Variants in TBC1D19 observed in about 807,000 individuals in gnomAD.
The protein encoded by TBC1D19 is TBC1 domain family, member 19.
Under a neutral mutation model 89.0 loss-of-function variants are expected in TBC1D19, and 60 were observed. The observed-to-expected ratio is 0.67, with a 90% confidence interval of 0.55 to 0.84. The LOEUF is 0.84. TBC1D19 is among the 40% of genes least tolerant of loss of function. TBC1D19 has a pLI of 0.00. For synonymous variants in TBC1D19, 189 were observed against 199.7 expected (o/e 0.95, Z 0.45); for missense variants, 500 against 610.8 (o/e 0.82, Z 1.91).
chr4:26,753,956 A>C (rs749392886), intron 20 of TBC1D19, 66 bp downstream of exon 20: 2 of 1,578,438 alleles, frequency 1.3e-6, no homozygotes, highest in East Asian at 2.2e-5. Context: ...CTGTCATTTT[A>C]GTGTCTGTTG....
chr4:26,718,065 G>T (rs1439164094), intron 14 of TBC1D19, 48 bp downstream of exon 14: 1 of 1,400,696 alleles, frequency 7.1e-7, no homozygotes. Context: ...ACATAATCAT[G>T]CCAAGAATAT....
At chr4:26,837,203 T>C in the TBC1D19 span, among the ~76,000 whole-genome samples, 1 of 152,030 alleles carries the variant, frequency 6.6e-6, no homozygotes, top group African/African-American at 2.4e-5. Context: ...ATGGAGAAGC[T>C]CCAATACTGG....
intron 1 of TBC1D19, among the ~76,000 whole-genome samples, chr4:26,593,576 T>C (rs1464731009): frequency 6.6e-6 from 1 of 152,132 alleles, no homozygotes; most frequent in Admixed American, 6.5e-5. Flanking sequence ...GAGAAAATTT[T>C]TGCAATCTAC....
upstream of TBC1D19, among the ~76,000 whole-genome samples, chr4:26,579,635 T>C (rs895692557): frequency 3.9e-5 from 6 of 151,960 alleles, no homozygotes; most frequent in African/African-American, 1.5e-4. Flanking sequence ...GCATTAGGTA[T>C]TTGTCCTAAT....
intron 1 of TBC1D19, among the ~76,000 whole-genome samples, chr4:26,588,609 C>A (rs1051177561): frequency 6.6e-6 from 1 of 151,862 alleles, no homozygotes; most frequent in Non-Finnish European, 1.5e-5. Flanking sequence ...TAGTCTATTG[C>A]CATTTTCACC....
intron 1 of TBC1D19, among the ~76,000 whole-genome samples, chr4:26,588,124 C>T (rs1011424563): frequency 6.7e-6 from 1 of 149,538 alleles, no homozygotes; most frequent in Non-Finnish European, 1.5e-5. Flanking sequence ...CTCCCGGGTT[C>T]ACGCCATTCT....
At chr4:26,588,762 A>G (rs550262910) in intron 1 of TBC1D19, among the ~76,000 whole-genome samples, 11 of 152,132 alleles carry the variant, frequency 7.2e-5, no homozygotes, top group Non-Finnish European at 1.3e-4. Flanking sequence ...AATATGTATG[A>G]TTTTAGCTGT....
chr4:26,724,598 G>A (rs1240534426), intron 15 of TBC1D19, among the ~76,000 whole-genome samples: 1 of 152,148 alleles, frequency 6.6e-6, no homozygotes, highest in African/African-American at 2.4e-5. Context: ...TGATTTGACA[G>A]AGATTTTCTT....
At chr4:26,617,585 A>T (rs1386490310) in intron 3 of TBC1D19, among the ~76,000 whole-genome samples, 1 of 152,226 alleles carries the variant, frequency 6.6e-6, no homozygotes, top group African/African-American at 2.4e-5. Context: ...GCAAATAGTT[A>T]TTGAGCCACC....
chr4:26,816,458 G>C, the TBC1D19 span, among the ~76,000 whole-genome samples: 60,964 of 151,874 alleles, frequency 0.4, 12,587 homozygotes, highest in South Asian at 0.49. Context: ...CAGGATATTT[G>C]CATAATCCCC....
the TBC1D19 span, among the ~76,000 whole-genome samples, chr4:26,827,476 C>T: frequency 1.5e-4 from 23 of 152,034 alleles, no homozygotes; most frequent in African/African-American, 2.7e-4. Flanking sequence ...TGGTGGCAGA[C>T]GCCTGCAGTT....
the TBC1D19 span, among the ~76,000 whole-genome samples, chr4:26,779,862 T>C: frequency 3.5e-4 from 53 of 152,322 alleles, 1 homozygote; most frequent in East Asian, 9.7e-3. Flanking sequence ...GCAACTGTCA[T>C]CAGCAGGTTG....
chr4:26,842,179 C>T, the TBC1D19 span, among the ~76,000 whole-genome samples: 2 of 151,994 alleles, frequency 1.3e-5, no homozygotes, highest in Non-Finnish European at 2.9e-5. Flanking sequence ...GATGGTTCCC[C>T]ACTACATCTT....
intron 9 of TBC1D19, among the ~76,000 whole-genome samples, chr4:26,669,579 C>A (rs1712109495): frequency 6.6e-6 from 1 of 151,596 alleles, no homozygotes; most frequent in East Asian, 1.9e-4. Flanking sequence ...ATTTAAAAAG[C>A]AAAATTATTG....
At chr4:26,583,912 T>G (rs1390927479), upstream of TBC1D19, 6 of 427,628 alleles carry the variant, frequency 1.4e-5, no homozygotes, top group East Asian at 2.7e-4. Flanking sequence ...TGAGCTTTCT[T>G]GCCTTTCAAC....
the TBC1D19 span, among the ~76,000 whole-genome samples, chr4:26,829,775 T>C: frequency 6.6e-5 from 10 of 152,248 alleles, no homozygotes; most frequent in Non-Finnish European, 1.3e-4. Flanking sequence ...TGTTGCTATG[T>C]TGAGTCCTGG....
At position 26,673,858 on chromosome 4, in the gene TBC1D19, T is replaced by C. The variant is rs1187575188; in HGVS notation, c.786T>C (p.Ala262=). 6.2e-7 allele frequency: 1 copy of C among 1,605,638 alleles called. No individual in the cohort carries two copies. Among genetic ancestry groups the C allele is most frequent in the Non-Finnish European group, 8.5e-7 (1 of 1,175,256 alleles). The part of the protein sequence containing the change: ...SPTALRAELW[A]LILNISSQPE... ...CGGCACTGAGAGCTGAATTGTGGGC[T>C]CTCATTTTGAATATTTCCAGCCAAC... is the stretch of plus-strand genomic sequence containing the variant. Residue 262 remains alanine (A), a synonymous_variant, in exon 11 of 21, where the codon GCT becomes GCC. Coordinates refer to ENST00000264866, the MANE Select transcript of TBC1D19 (RefSeq NM_018317.4).
the TBC1D19 span, among the ~76,000 whole-genome samples, chr4:26,850,527 C>T: frequency 6.3e-5 from 6 of 95,834 alleles, no homozygotes; most frequent in East Asian, 2.8e-4. Context: ...GCAGCTTGAG[C>T]GAGACCCTGT....
At chr4:26,763,915 C>G in the TBC1D19 span, among the ~76,000 whole-genome samples, 1 of 152,194 alleles carries the variant, frequency 6.6e-6, no homozygotes, top group Non-Finnish European at 1.5e-5. Flanking sequence ...GCTGGTGTAA[C>G]TGACCTTGTG....
Sources: gnomAD v4.1 joint callset for allele counts (sites outside exome capture counted in the v4.1 genomes callset) on GRCh38, gnomAD v4.1.1 for gene constraint, MANE v1.5 for transcripts, NCBI Gene and HGNC (gene_info 2026-07-23, HGNC 2026-07-21) for gene names.